Variants in TNXB observed in about 807,000 individuals in gnomAD.
TNXB encodes the protein tenascin-X.
Under a neutral mutation model 340.5 loss-of-function variants are expected in TNXB, and 183 were observed. The observed-to-expected ratio is 0.54, with a 90% CI of 0.48 to 0.61. TNXB has a LOEUF of 0.61. TNXB is among the 20% of genes least tolerant of loss of function. The pLI is 0.00. For missense variants in TNXB, 4,613 were observed against 5,446.4 expected (o/e 0.85, Z 4.82); for synonymous variants, 2,121 against 2,314.5 (o/e 0.92, Z 2.40).
In TNXB at chr6:32,047,937, G is replaced by A. The variant is rs780789365; in HGVS notation, c.10121C>T (p.Ser3374Leu). The change falls in exon 30 of 44, where the codon TCG becomes TTG. Residue 3374 changes from serine (S) to leucine (L), a missense_variant. Transcript: ENST00000644971. This position sits in a 1 kb window ranked among gnomAD's most constrained non-coding sequence, Gnocchi z 6.2. Reference protein sequence around the residue: ...TDATPDSVGLSWTVPEGEFDS... With the variant: ...TDATPDSVGLLWTVPEGEFDS... Reference sequence around the variant, plus strand: ...GAATTCGCCCTCAGGGACCGTCCACGAGAGGCCCACGGAGTCAGGGGTCGC... The same window carrying A: ...GAATTCGCCCTCAGGGACCGTCCACAAGAGGCCCACGGAGTCAGGGGTCGC... The A allele has an allele frequency of 2.5e-5, 41 of 1,612,412 alleles. No individual in the cohort carries two copies. The highest frequency in any genetic ancestry group is 5.5e-5 in the South Asian group (5 of 91,008).
intron 26 of TNXB, 57 bp from the exon 27 acceptor site, chr6:32,050,378 A>C (rs1582353637): frequency 1.3e-6 from 2 of 1,587,406 alleles, no homozygotes; most frequent in East Asian, 2.2e-5. Context: ...CAGCATAGAA[A>C]GGATGTGTCA....
intron 25 of TNXB, 122 bp from the exon 26 acceptor site, chr6:32,053,115 A>G (rs1038074532): frequency 1.7e-5 from 20 of 1,176,744 alleles, no homozygotes; most frequent in Admixed American, 5.1e-5. Flanking sequence ...GGAGAGGCCC[A>G]TCTTTGGAGC....
chr6:32,085,073 T>C lies in TNXB; in HGVS notation c.3149-364A>G, dbSNP rs1274497285. On this transcript the variant is annotated intron_variant, in intron 7 of 43. Coordinates refer to ENST00000644971, the MANE Select transcript of TNXB (RefSeq NM_001365276.2). The surrounding 1 kb of genome is among the most constrained non-coding windows in gnomAD (Gnocchi z 6.4). ...TGAGCTGCTGTCTCTCTTACCACCC[T>C]CTCTTCCAGTGGTGAGCTTGACCTG... Among the ~76,000 whole-genome samples, 1 of 152,024 alleles carries C rather than the reference T, an allele frequency of 6.6e-6. No homozygotes were observed. Among genetic ancestry groups the C allele is most frequent in the Admixed American group, 6.6e-5 (1 of 15,266 alleles).
Position 32,064,758 on chromosome 6 carries a change from T to G in TNXB, c.6841+63A>C. The G allele has an allele frequency of 1.3e-6, 2 of 1,567,222 alleles. No homozygotes were observed. Among genetic ancestry groups the G allele is most frequent in the Non-Finnish European group, 1.7e-6 (2 of 1,156,380 alleles). ...AAAGTAAAATAAAGCCACCAGATAC[T>G]GACAATAAAAGGGAAACTGAGTCTA... is the stretch of plus-strand genomic sequence containing the variant. On this transcript the variant is annotated intron_variant, in intron 19 of 43. Transcript: ENST00000644971. This position sits in a 1 kb window ranked among gnomAD's most constrained non-coding sequence, Gnocchi z 5.3.
rs1176324374 is a variant in TNXB, at chr6:32,052,202, A to G, written c.9115+468T>C. On this transcript the variant is annotated intron_variant, in intron 26 of 43. Transcript: ENST00000644971. The surrounding 1 kb of genome is among the most constrained non-coding windows in gnomAD (Gnocchi z 4.7). ...CGCCGTGGCTCACGCCTATGATCCC[A>G]GCACTTTGGGAGGCCGAGGAGGGCA... Among the ~76,000 whole-genome samples, 5 of 152,226 alleles carry G rather than the reference A, an allele frequency of 3.3e-5. No individual in the cohort carries two copies. Among genetic ancestry groups the G allele is most frequent in the Non-Finnish European group, 7.3e-5 (5 of 68,036 alleles).
rs1778869292 is a variant in TNXB at position 32,073,063 on chromosome 6, G to A, written c.4681+584C>T. ...AACATTGCCTTCAGGTGGGGTAGGG[G>A]TTTCACCAGATGCCACAGCACAACA... On this transcript the variant is annotated intron_variant, in intron 12 of 43. Coordinates refer to ENST00000644971, the MANE Select transcript of TNXB (RefSeq NM_001365276.2). This position sits in a 1 kb window ranked among gnomAD's most constrained non-coding sequence, Gnocchi z 4.6. Among the ~76,000 whole-genome samples the A allele has an allele frequency of 6.6e-6, 1 of 152,164 alleles. No individual in the cohort carries two copies. Among genetic ancestry groups the A allele is most frequent in the African/African-American group, 2.4e-5 (1 of 41,420 alleles).
At position 32,058,116 on chromosome 6, in the gene TNXB, G is replaced by A. The variant is rs1777782541; in HGVS notation, c.7767C>T (p.His2589=). 2.5e-6 allele frequency: 4 copies of A among 1,612,686 alleles called. No individual in the cohort carries two copies. Among genetic ancestry groups the A allele is most frequent in the Admixed American group, 3.3e-5 (2 of 59,996 alleles). Residue 2589 remains histidine (H), a synonymous_variant, in exon 22 of 44, where the codon CAC becomes CAT. Transcript: ENST00000644971. This position sits in a 1 kb window ranked among gnomAD's most constrained non-coding sequence, Gnocchi z 5.1. ...GCCGCCCCTCGTGGAGGCCGTACAG[G>A]TGCATCTTGTACTTGCGCCCAGGCT... ...GLEPGRKYKM[H]LYGLHEGRRL...
rs1208136661 is a variant in TNXB at position 32,057,154 on chromosome 6, G to A, written c.7826-251C>T. Among the ~76,000 whole-genome samples, 5 of 140,272 alleles carry A rather than the reference G, an allele frequency of 3.6e-5. No homozygotes were observed. In the East Asian group the frequency reaches 1.1e-3, roughly 32 times the overall value. The allele number at this position is 140,272 out of a possible 152,430, so 92.0% of individuals were successfully genotyped here. ...CACCTCTCCCTGTCCCTCCAGCACCGCCTCTCTTTTGAGCACAGCCCCACT... is the reference window on the plus strand; with the variant it reads ...CACCTCTCCCTGTCCCTCCAGCACCACCTCTCTTTTGAGCACAGCCCCACT... On this transcript the variant is annotated intron_variant, in intron 22 of 43. Coordinates refer to ENST00000644971, the MANE Select transcript of TNXB (RefSeq NM_001365276.2).
chr6:32,082,750 TC>T lies in TNXB; in HGVS notation c.3446-425del, dbSNP rs1474246920. The stretch of plus-strand genomic sequence containing the variant: ...TCTTCTCCAAGAGAGGAGAGCACAA[TC>T]CTTGAAGCGTTTTAACGTGGGACAG... On this transcript the variant is annotated intron_variant, in intron 8 of 43. Coordinates refer to ENST00000644971, the MANE Select transcript of TNXB (RefSeq NM_001365276.2). The surrounding 1 kb of genome is among the most constrained non-coding windows in gnomAD (Gnocchi z 5.0). Among the ~76,000 whole-genome samples the T allele has an allele frequency of 1.3e-5, 2 of 152,100 alleles. No individual in the cohort carries two copies. Among genetic ancestry groups the T allele is most frequent in the Non-Finnish European group, 2.9e-5 (2 of 68,022 alleles).
Position 32,068,643 on chromosome 6 carries a change from G to A in TNXB, c.5967C>T (p.Arg1989=), listed in dbSNP as rs1023556422. 2 of 1,613,840 alleles carry A rather than the reference G, an allele frequency of 1.2e-6. No individual in the cohort carries two copies. The highest frequency in any genetic ancestry group is 1.3e-5 in the African/African-American group (1 of 74,932). ...TATPEPPIKP[R]LGELTVTDAT... is the part of the protein sequence containing the mutation. The stretch of plus-strand genomic sequence containing the variant: ...CATCTGTCACGGTCAGCTCCCCCAG[G>A]CGAGGCTTGATGGGGGGCTCGGGGG... The change falls in exon 17 of 44, where the codon CGC becomes CGT. Residue 1989 remains arginine (R), a synonymous_variant. Transcript: ENST00000644971. The surrounding 1 kb of genome is among the most constrained non-coding windows in gnomAD (Gnocchi z 5.3).
intron 1 of TNXB, among the ~76,000 whole-genome samples, chr6:32,101,588 C>CTTTTTTT (rs58601681): frequency 2.4e-5 from 3 of 126,182 alleles, no homozygotes; most frequent in South Asian, 2.7e-4. Flanking sequence ...CGCACCCAGC[C>CTTTTTTT]TTTTTTTTTT....
chr6:32,050,459 C>T (rs1777214100), intron 26 of TNXB, 138 bp from the exon 27 acceptor site: 29 of 1,168,664 alleles, frequency 2.5e-5, no homozygotes, highest in Non-Finnish European at 3.5e-5. Flanking sequence ...TCATCCTCTC[C>T]TCCCCTGCGG....
In TNXB at chr6:32,062,199, C is replaced by T. The variant is rs764295837; in HGVS notation, c.7126G>A (p.Gly2376Ser). ...GACACGGGGCCCACACGCTGGCCAC[C>T]GTGGAAGCCGTACAGGTTCATCTTG... ...KYKMNLYGFH[G>S]GQRVGPVSAI... is the part of the protein sequence containing the mutation. The change falls in exon 20 of 44, where the codon GGT (glycine) becomes AGT (serine). Residue 2376 changes from glycine to serine, a missense_variant. By Grantham distance (56) the Gly-to-Ser change is moderately conservative. Transcript: ENST00000644971. The surrounding 1 kb of genome is among the most constrained non-coding windows in gnomAD (Gnocchi z 4.3). The T allele has an allele frequency of 1.1e-5, 17 of 1,612,272 alleles. No homozygotes were observed. Among genetic ancestry groups the T allele is most frequent in the East Asian group, 6.7e-5 (3 of 44,868 alleles).
chr6:32,054,083 C>T (rs1049888523), intron 24 of TNXB, among the ~76,000 whole-genome samples: 8 of 152,158 alleles, frequency 5.3e-5, no homozygotes, highest in Admixed American at 2.0e-4. Flanking sequence ...ACACTCCTCC[C>T]GAGGCCAGAG....
chr6:32,067,540 T>C lies in TNXB; in HGVS notation c.6544+121A>G. On this transcript the variant is annotated intron_variant, in intron 18 of 43. Coordinates refer to ENST00000644971, the MANE Select transcript of TNXB (RefSeq NM_001365276.2). The surrounding 1 kb of genome is among the most constrained non-coding windows in gnomAD (Gnocchi z 4.2). ...CCCCAGATCACACCTGTCCTGAGCC[T>C]TTAGTGAACAGGGTGTATTACAGGT... The C allele has an allele frequency of 2.3e-6, 3 of 1,330,310 alleles. No individual in the cohort carries two copies. Among genetic ancestry groups the C allele is most frequent in the Non-Finnish European group, 3.0e-6 (3 of 998,118 alleles). The allele number at this position is 1,330,310 out of a possible 1,614,324, so 82.4% of individuals were successfully genotyped here. A position where few individuals can be genotyped will look rare whatever the true frequency, so the allele number is the denominator to read the frequency against.
In TNXB at chr6:32,048,556, C is replaced by A; in HGVS notation, c.9852G>T (p.Val3284=). 7 of 1,553,956 alleles carry A rather than the reference C, an allele frequency of 4.5e-6. No homozygotes were observed. The highest frequency in any genetic ancestry group is 6.1e-6 in the Non-Finnish European group (7 of 1,146,406). The change falls in exon 29 of 44, where the codon GTG becomes GTT. Residue 3284 remains valine (V), a synonymous_variant. Coordinates refer to ENST00000644971, the MANE Select transcript of TNXB (RefSeq NM_001365276.2). Reference sequence around the variant, plus strand: ...GGAAGGAGTCAAAGGGGCCCTGGGCCACCGTCCATGAGAGGCCCACTGAGT... The same window carrying A: ...GGAAGGAGTCAAAGGGGCCCTGGGCAACCGTCCATGAGAGGCCCACTGAGT... ...TSDSVGLSWT[V]AQGPFDSFLV... is the part of the protein sequence containing the mutation.
Position 32,098,130 on chromosome 6 carries a change from T to A in TNXB, c.69A>T (p.Ala23=). The A allele has an allele frequency of 6.3e-7, 1 of 1,590,140 alleles. No homozygotes were observed. The highest frequency in any genetic ancestry group is 1.1e-5 in the South Asian group (1 of 88,826). Reference sequence around the variant, plus strand: ...CATTGGACCGTGAAGAGAAGGGGCCTGCTCTGGCTGTGCTCAGCAGCACCA... The same window carrying A: ...CATTGGACCGTGAAGAGAAGGGGCCAGCTCTGGCTGTGCTCAGCAGCACCA... ...VLLVLLSTAR[A]GPFSSRSNVT... Residue 23 remains alanine, a synonymous_variant, in exon 2 of 44, where the codon GCA becomes GCT. Transcript: ENST00000644971.
rs1394048126 is a variant in TNXB, at chr6:32,056,818, T to C, written c.7911A>G (p.Thr2637=). The C allele has an allele frequency of 3.7e-6, 6 of 1,613,002 alleles. No individual in the cohort carries two copies. Among genetic ancestry groups the C allele is most frequent in the East Asian group, 2.2e-5 (1 of 44,886 alleles). The change falls in exon 23 of 44, where the codon ACA becomes ACG. Residue 2637 remains threonine (T), a synonymous_variant. Coordinates refer to ENST00000644971, the MANE Select transcript of TNXB (RefSeq NM_001365276.2). ...IKPRLGELTM[T]DATPDSLSLS... ...GGCTGAGGGAGTCAGGGGTGGCATCTGTCATGGTCAGCTCCCCCAGGCGAG... is the reference window on the plus strand; with the variant it reads ...GGCTGAGGGAGTCAGGGGTGGCATCCGTCATGGTCAGCTCCCCCAGGCGAG...
rs1777430954 is a variant in TNXB at position 32,053,536 on chromosome 6, C to T, written c.8643G>A (p.Gly2881=). ...CCCGCACCACCTTGGGCTGCCCATC[C>T]CCATTCCTGTACTGGACCAGGAAGT... The part of the protein sequence containing the change: ...FDHFLVQYRN[G]DGQPKVVRVP... The change falls in exon 25 of 44, where the codon GGG becomes GGA. Residue 2881 remains glycine, a synonymous_variant. Transcript: ENST00000644971. The T allele has an allele frequency of 6.2e-7, 1 of 1,613,556 alleles. No homozygotes were observed. Among genetic ancestry groups the T allele is most frequent in the African/African-American group, 1.3e-5 (1 of 74,922 alleles).
Sources: allele counts gnomAD v4.1 joint callset (sites outside exome capture counted in the v4.1 genomes callset), GRCh38; gene constraint gnomAD v4.1.1; non-coding constraint Gnocchi (gnomAD v3.1); transcripts MANE v1.5; gene names NCBI Gene and HGNC (gene_info 2026-07-23, HGNC 2026-07-21).